CHRM3: variants seen among roughly 807,000 people sequenced by gnomAD.
CHRM3 encodes the protein muscarinic acetylcholine receptor M3.
CHRM3 carries 11 observed loss-of-function variants against 41.8 expected under a neutral mutation model. That is an observed-to-expected ratio of 0.26 (90% CI 0.17 to 0.44). The LOEUF is 0.44. CHRM3 is among the 20% of genes least tolerant of loss of function. CHRM3 has a pLI of 1.00. For missense variants in CHRM3, 571 were observed against 745.4 expected, an observed-to-expected ratio of 0.77 and a Z score of 2.72; for synonymous variants, 297 against 301.4, an observed-to-expected ratio of 0.99 and a Z score of 0.15.
intron 5 of CHRM3, among the ~76,000 whole-genome samples, chr1:239,752,787 TG>T (rs1665938394): frequency 1.3e-5 from 2 of 152,186 alleles, no homozygotes; most frequent in African/African-American, 4.8e-5. Context: ...TACTCTGAAA[TG>T]TGATAATAAT....
At chr1:239,501,976 G>T (rs900984852) in intron 2 of CHRM3, among the ~76,000 whole-genome samples, 1 of 152,120 alleles carries the variant, frequency 6.6e-6, no homozygotes, top group African/African-American at 2.4e-5. Context: ...CAGAAAGACT[G>T]ACAGAGCATG....
At chr1:239,864,178 C>T (rs1396182292) in intron 6 of CHRM3, among the ~76,000 whole-genome samples, 3 of 151,764 alleles carry the variant, frequency 2.0e-5, no homozygotes, top group East Asian at 1.9e-4. Flanking sequence ...GGCAACATAG[C>T]GAGACCCTGC....
chr1:239,837,628 A>T (rs554774252), intron 6 of CHRM3, among the ~76,000 whole-genome samples: 6 of 152,370 alleles, frequency 3.9e-5, no homozygotes, highest in Non-Finnish European at 4.4e-5. Context: ...ATAGTAGTGA[A>T]CTTGAATTCC....
intron 3 of CHRM3, chr1:239,546,447 T>C (rs1316420320): frequency 6.6e-6 from 1 of 152,144 alleles, no homozygotes. Flanking sequence ...TTGTCTGTGG[T>C]CAACTAACAG....
chr1:239,723,571 G>A (rs930030345), intron 5 of CHRM3, among the ~76,000 whole-genome samples: 2 of 151,890 alleles, frequency 1.3e-5, no homozygotes, highest in African/African-American at 4.8e-5. Context: ...ACAAATATCT[G>A]TAATAATTGC....
chr1:239,616,290 T>C (rs914336621), intron 3 of CHRM3, among the ~76,000 whole-genome samples: 2 of 152,210 alleles, frequency 1.3e-5, no homozygotes, highest in Non-Finnish European at 2.9e-5. Flanking sequence ...TGTGGATATG[T>C]CCACACAACT....
At chr1:239,664,294 TC>T (rs1673543152) in intron 4 of CHRM3, among the ~76,000 whole-genome samples, 1 of 152,182 alleles carries the variant, frequency 6.6e-6, no homozygotes, top group Non-Finnish European at 1.5e-5. Flanking sequence ...TGGCTTTTAT[TC>T]CATTTTTAAT....
chr1:239,687,398 A>G (rs1373189110), intron 5 of CHRM3, among the ~76,000 whole-genome samples: 1 of 152,166 alleles, frequency 6.6e-6, no homozygotes, highest in Non-Finnish European at 1.5e-5. Flanking sequence ...GTCGTTATTT[A>G]TCAGAGCATC....
chr1:239,872,622 C>A (rs1005834167), intron 6 of CHRM3, among the ~76,000 whole-genome samples: 5 of 152,158 alleles, frequency 3.3e-5, no homozygotes, highest in Non-Finnish European at 5.9e-5. Flanking sequence ...CATCTGCAGT[C>A]TACTTTTATA....
chr1:239,834,462 T>C (rs765375484), intron 6 of CHRM3, among the ~76,000 whole-genome samples: 3 of 151,590 alleles, frequency 2.0e-5, no homozygotes, highest in Non-Finnish European at 4.4e-5. Flanking sequence ...ACTTACTTAT[T>C]CTCTCTCTCC....
At chr1:239,515,647 G>A (rs1045222272) in intron 2 of CHRM3, among the ~76,000 whole-genome samples, 1 of 152,146 alleles carries the variant, frequency 6.6e-6, no homozygotes, top group African/African-American at 2.4e-5. Context: ...TGAGAAATGA[G>A]AAGTGACAAT....
chr1:239,867,685 C>CAA (rs36006087), intron 6 of CHRM3, among the ~76,000 whole-genome samples: 128 of 134,758 alleles, frequency 9.5e-4, no homozygotes, highest in East Asian at 2.8e-3. Context: ...GACTCTGTCT[C>CAA]AAAAAAAAAA....
intron 2 of CHRM3, among the ~76,000 whole-genome samples, chr1:239,514,011 C>A (rs1572559199): frequency 6.6e-6 from 1 of 152,168 alleles, no homozygotes; most frequent in East Asian, 1.9e-4. Context: ...AGTTTTTCAC[C>A]AACACCGCTC....
intron 6 of CHRM3, among the ~76,000 whole-genome samples, chr1:239,842,524 C>T (rs530550520): frequency 3.9e-5 from 6 of 152,098 alleles, no homozygotes; most frequent in African/African-American, 9.7e-5. Context: ...AGTGAGCCAC[C>T]GTGCCCAGCA....
At chr1:239,464,646 C>T (rs1463385566) in intron 1 of CHRM3, among the ~76,000 whole-genome samples, 1 of 152,168 alleles carries the variant, frequency 6.6e-6, no homozygotes, top group Non-Finnish European at 1.5e-5. Flanking sequence ...GTCCCCTACC[C>T]TTGCATATGG....
At chr1:239,575,624 G>A (rs1662258029) in intron 3 of CHRM3, among the ~76,000 whole-genome samples, 1 of 152,008 alleles carries the variant, frequency 6.6e-6, no homozygotes, top group Non-Finnish European at 1.5e-5. Flanking sequence ...TTGAGCCAGA[G>A]TAGACCTTGA....
intron 5 of CHRM3, among the ~76,000 whole-genome samples, chr1:239,822,062 C>T (rs1169614910): frequency 6.6e-6 from 1 of 152,190 alleles, no homozygotes; most frequent in East Asian, 1.9e-4. Flanking sequence ...GTCAATTAAA[C>T]CTCTTTCCTT....
chr1:239,430,028 C>CACAATCTCAGCTCACTGCA (rs1662704455), intron 1 of CHRM3, among the ~76,000 whole-genome samples: 1 of 144,356 alleles, frequency 6.9e-6, no homozygotes, highest in Admixed American at 7.0e-5. Context: ...AGTGCAGTGG[C>CACAATCTCAGCTCACTGCA]ACAATCTCAG....
At chr1:239,855,293 G>T (rs1305566664) in intron 6 of CHRM3, among the ~76,000 whole-genome samples, 1 of 151,934 alleles carries the variant, frequency 6.6e-6, no homozygotes, top group Non-Finnish European at 1.5e-5. Flanking sequence ...TTATAGAGAG[G>T]GTTTCAGGTT....
Sources: allele counts gnomAD v4.1 joint callset (sites outside exome capture counted in the v4.1 genomes callset), GRCh38; gene constraint gnomAD v4.1.1; transcripts MANE v1.5; gene names NCBI Gene and HGNC (gene_info 2026-07-23, HGNC 2026-07-21).